Variants in FARS2 observed in about 807,000 individuals in gnomAD.
FARS2 encodes phenylalanyl-tRNA synthetase 2, mitochondrial, also known as phenylalanine--tRNA ligase, mitochondrial.
In FARS2, 40 loss-of-function variants were observed where a neutral mutation model predicts 46.4. The observed-to-expected ratio is 0.86, with a 90% confidence interval of 0.67 to 1.12. The LOEUF (loss-of-function observed/expected upper bound fraction) is 1.12, where lower values mean the gene tolerates loss of function less well. FARS2 is among the 50% of genes most tolerant of loss of function. FARS2 has a pLI of 0.00. For missense variants in FARS2, 513 were observed against 567.9 expected (o/e 0.90, Z 0.98); for synonymous variants, 234 against 214.9 (o/e 1.09, Z -0.78).
chr6:5,269,288 C>T (rs988506887), intron 1 of FARS2, among the ~76,000 whole-genome samples: 7 of 148,040 alleles, frequency 4.7e-5, no homozygotes, highest in Admixed American at 2.1e-4. Context: ...AATTGAACAA[C>T]GAGAACACTT....
intron 4 of FARS2, among the ~76,000 whole-genome samples, chr6:5,476,530 T>C (rs1187368759): frequency 7.6e-6 from 1 of 132,260 alleles, no homozygotes; most frequent in Non-Finnish European, 1.6e-5. Context: ...TAAATAGTTA[T>C]TGGATGAATG....
rs1582666877 is a variant in FARS2 at position 5,648,610 on chromosome 6, C to T, written c.1217+35290C>T. Reference sequence around the variant, plus strand: ...CATGAGCCTCAGAGCTCCTTCACTTCCTTCTGATGCTTTCTTTTTTTCCCC... The same window carrying T: ...CATGAGCCTCAGAGCTCCTTCACTTTCTTCTGATGCTTTCTTTTTTTCCCC... On this transcript the variant is annotated intron_variant, in intron 6 of 6. Transcript: ENST00000274680. Among the ~76,000 whole-genome samples the T allele has an allele frequency of 2.6e-5, 4 of 152,192 alleles. No individual in the cohort carries two copies. In the East Asian group the frequency reaches 7.7e-4, roughly 29 times the overall value.
At chr6:5,375,715 A>T (rs1480481935) in intron 2 of FARS2, among the ~76,000 whole-genome samples, 1 of 152,134 alleles carries the variant, frequency 6.6e-6, no homozygotes, top group Non-Finnish European at 1.5e-5. Flanking sequence ...GATATTTCAT[A>T]TCACATAAGT....
intron 6 of FARS2, among the ~76,000 whole-genome samples, chr6:5,684,481 CT>C (rs1412662143): frequency 6.6e-6 from 1 of 152,154 alleles, no homozygotes; most frequent in Non-Finnish European, 1.5e-5. Context: ...AGGTGATTCG[CT>C]TGTTTTCATG....
At chr6:5,696,078 G>A (rs1405879309) in intron 6 of FARS2, among the ~76,000 whole-genome samples, 11 of 152,318 alleles carry the variant, frequency 7.2e-5, no homozygotes, top group South Asian at 4.1e-4. Context: ...GCTGTCAAGC[G>A]TGCAGGACAA....
intron 5 of FARS2, among the ~76,000 whole-genome samples, chr6:5,562,071 C>G (rs2150537366): frequency 6.6e-6 from 1 of 152,052 alleles, no homozygotes; most frequent in East Asian, 1.9e-4. Context: ...TGTTTTAAAG[C>G]CTTTAGCTAT....
chr6:5,497,369 T>C (rs1028211308), intron 4 of FARS2, among the ~76,000 whole-genome samples: 10 of 152,212 alleles, frequency 6.6e-5, no homozygotes, highest in African/African-American at 1.4e-4. Flanking sequence ...TCGTTGCAAC[T>C]CTGTTGAGTT....
chr6:5,417,631 A>G (rs1762317264), intron 3 of FARS2, among the ~76,000 whole-genome samples: 2 of 152,136 alleles, frequency 1.3e-5, no homozygotes, highest in Admixed American at 1.3e-4. Context: ...TTTTCTGTAC[A>G]TAATGTGTCT....
intron 4 of FARS2, among the ~76,000 whole-genome samples, chr6:5,433,001 G>T (rs1024593192): frequency 6.6e-6 from 1 of 152,104 alleles, no homozygotes; most frequent in Non-Finnish European, 1.5e-5. Flanking sequence ...TGCTGAGGAA[G>T]CCTCAGGAGA....
chr6:5,540,204 T>C (rs1322112840), intron 4 of FARS2, among the ~76,000 whole-genome samples: 1 of 152,248 alleles, frequency 6.6e-6, no homozygotes, highest in Non-Finnish European at 1.5e-5. Flanking sequence ...TCCATAACTT[T>C]ATGATAATTC....
intron 4 of FARS2, chr6:5,466,940 T>C: frequency 1.0e-6 from 1 of 985,354 alleles, no homozygotes; most frequent in Non-Finnish European, 1.2e-6. Context: ...CTCTCTTTAC[T>C]AGCACAGCCT....
At chr6:5,740,721 C>T (rs962212745) in intron 6 of FARS2, among the ~76,000 whole-genome samples, 1 of 152,136 alleles carries the variant, frequency 6.6e-6, no homozygotes, top group Non-Finnish European at 1.5e-5. Flanking sequence ...TAAGCAAGCA[C>T]ACATTATCCA....
chr6:5,522,952 G>A (rs866529950), intron 4 of FARS2, among the ~76,000 whole-genome samples: 3 of 152,216 alleles, frequency 2.0e-5, no homozygotes, highest in Non-Finnish European at 4.4e-5. Context: ...GGGATCGAAC[G>A]AAATAGAAAG....
intron 6 of FARS2, among the ~76,000 whole-genome samples, chr6:5,707,880 G>A (rs1272805585): frequency 6.6e-6 from 1 of 152,252 alleles, no homozygotes; most frequent in Non-Finnish European, 1.5e-5. Context: ...GAAGGCCGGA[G>A]TTGAACAAGC....
intron 1 of FARS2, among the ~76,000 whole-genome samples, chr6:5,360,516 A>G (rs797125): frequency 0.7 from 106,652 of 152,056 alleles, 38,068 homozygotes; most frequent in African/African-American, 0.82. Flanking sequence ...AACAAAGCTA[A>G]TGGGAGATAG....
chr6:5,333,815 C>T (rs769741832), intron 1 of FARS2, among the ~76,000 whole-genome samples: 5 of 152,156 alleles, frequency 3.3e-5, no homozygotes, highest in South Asian at 2.1e-4. Context: ...TGAGCTCTGC[C>T]GTTGTGCACT....
At chr6:5,438,008 G>A (rs2127781409) in intron 4 of FARS2, among the ~76,000 whole-genome samples, 1 of 152,032 alleles carries the variant, frequency 6.6e-6, no homozygotes, top group Middle Eastern at 3.4e-3. Context: ...TTAGTTTGAA[G>A]GATGTTTTTA....
intron 6 of FARS2, among the ~76,000 whole-genome samples, chr6:5,710,438 TA>T (rs1470103531): frequency 3.3e-5 from 5 of 152,196 alleles, no homozygotes; most frequent in Non-Finnish European, 7.3e-5. Flanking sequence ...CTTAAACAAC[TA>T]AAAACTAGGC....
chr6:5,327,812 A>G (rs1392311973), intron 1 of FARS2, among the ~76,000 whole-genome samples: 2 of 152,118 alleles, frequency 1.3e-5, no homozygotes, highest in Admixed American at 6.5e-5. Flanking sequence ...TGAGTAGTCT[A>G]CCACCTGCCT....
Sources: allele counts gnomAD v4.1 joint callset (sites outside exome capture counted in the v4.1 genomes callset), GRCh38; gene constraint gnomAD v4.1.1; transcripts MANE v1.5; gene names NCBI Gene and HGNC (gene_info 2026-07-23, HGNC 2026-07-21).